CD80: variants seen among roughly 807,000 people sequenced by gnomAD.
CD80 encodes the protein CD80 molecule, also known as T-lymphocyte activation antigen CD80.
CD80 carries 13 observed loss-of-function variants against 27.1 expected under a neutral mutation model. The observed-to-expected ratio is 0.48, with a 90% CI of 0.31 to 0.76. The LOEUF (loss-of-function observed/expected upper bound fraction) is 0.76, where lower values mean the gene tolerates loss of function less well. CD80 is among the 30% of genes least tolerant of loss of function. The pLI is 0.04. For synonymous variants in CD80, 125 were observed against 125.5 expected (o/e 1.00, Z 0.03); for missense variants, 277 against 347.9 (o/e 0.80, Z 1.62).
chr3:119,553,345 G>A (rs932966165), intron 2 of CD80, among the ~76,000 whole-genome samples: 4 of 152,030 alleles, frequency 2.6e-5, no homozygotes, highest in Non-Finnish European at 5.9e-5. Flanking sequence ...TTACCATGTT[G>A]GCCAGGCTGG....
intron 2 of CD80, among the ~76,000 whole-genome samples, chr3:119,550,291 T>A (rs974779998): frequency 6.6e-6 from 1 of 152,200 alleles, no homozygotes; most frequent in Admixed American, 6.5e-5. Context: ...AATCCAATAT[T>A]TCTCACTGAT....
At chr3:119,534,858 C>T (rs1219085383) in intron 4 of CD80, among the ~76,000 whole-genome samples, 5 of 152,078 alleles carry the variant, frequency 3.3e-5, no homozygotes, top group African/African-American at 1.2e-4. Context: ...TATATTTGAA[C>T]TAATTTTCCC....
chr3:119,529,317 C>A (rs1181179410), intron 5 of CD80, among the ~76,000 whole-genome samples: 1 of 152,006 alleles, frequency 6.6e-6, no homozygotes, highest in East Asian at 1.9e-4. Flanking sequence ...TGCATCTTGC[C>A]CTCCTCCAAG....
intron 5 of CD80, among the ~76,000 whole-genome samples, chr3:119,528,541 C>G (rs1261713914): frequency 1.3e-5 from 2 of 152,104 alleles, no homozygotes; most frequent in Admixed American, 6.6e-5. Context: ...TCTTAGAAAT[C>G]TCTTCTTTCA....
At chr3:119,535,850 A>C (rs540310424) in intron 4 of CD80, among the ~76,000 whole-genome samples, 38 of 152,346 alleles carry the variant, frequency 2.5e-4, no homozygotes, top group African/African-American at 7.7e-4. Flanking sequence ...GGCAGTTCCA[A>C]AGGGCAAATT....
At chr3:119,554,881 C>G (rs1268882801) in intron 2 of CD80, among the ~76,000 whole-genome samples, 1 of 152,174 alleles carries the variant, frequency 6.6e-6, no homozygotes, top group Non-Finnish European at 1.5e-5. Context: ...CTGTAAGTTA[C>G]TGAAATAACC....
In CD80 at chr3:119,538,866, G is replaced by A. The variant is rs1392932786; in HGVS notation, c.419-1448C>T. 2.0e-5 allele frequency among the ~76,000 whole-genome samples: 3 copies of A among 152,266 alleles called. No homozygotes were observed. The East Asian group carries it at 5.8e-4, about 29-fold the overall frequency. On this transcript the variant is annotated intron_variant, in intron 3 of 6. Transcript: ENST00000264246. Reference sequence around the variant, plus strand: ...AAACCTGTGACCTGCCTTTTGAGGGGGCATTGTGTGCGTGTGAGTGGGGGG... The same window carrying A: ...AAACCTGTGACCTGCCTTTTGAGGGAGCATTGTGTGCGTGTGAGTGGGGGG...
At chr3:119,557,562 A>G in intron 2 of CD80, 67 bp downstream of exon 2, 1 of 1,089,522 alleles carries the variant, frequency 9.2e-7, no homozygotes, top group Non-Finnish European at 1.4e-6. Context: ...AGCAGCTCAG[A>G]GAACCCCATG....
chr3:119,547,628 T>C (rs2082208940), intron 2 of CD80, among the ~76,000 whole-genome samples: 1 of 152,218 alleles, frequency 6.6e-6, no homozygotes, highest in Non-Finnish European at 1.5e-5. Flanking sequence ...GATTTGTGTG[T>C]ATATTTTTTT....
At chr3:119,547,514 G>A (rs1459021012) in intron 2 of CD80, among the ~76,000 whole-genome samples, 1 of 152,146 alleles carries the variant, frequency 6.6e-6, no homozygotes, top group Non-Finnish European at 1.5e-5. Flanking sequence ...GATATCTGAG[G>A]ATACTTATAT....
rs2082100542 is a variant in CD80, at chr3:119,529,926, G to A, written c.712C>T (p.His238Tyr). 1 of 1,612,124 alleles carries A rather than the reference G, an allele frequency of 6.2e-7. No homozygotes were observed. ...GATGGGAGCAGGTTATCAGGAAAAT[G>A]CTCTTGCTTGGCTATGGAGGGAAAA... ...TFNWNTTKQE[H>Y]FPDNLLPSWA... Residue 238 changes from histidine (H) to tyrosine (Y), a missense_variant, in exon 5 of 7, where the codon CAT becomes TAT. Coordinates refer to ENST00000264246, the MANE Select transcript of CD80 (RefSeq NM_005191.4).
Position 119,544,694 on chromosome 3 carries a change from T to G in CD80, c.274A>C (p.Ile92Leu). The G allele has an allele frequency of 6.2e-7, 1 of 1,614,198 alleles. No individual in the cohort carries two copies. The highest frequency in any genetic ancestry group is 8.5e-7 in the Non-Finnish European group (1 of 1,180,034). The change falls in exon 3 of 7, where the codon ATC (isoleucine) becomes CTC (leucine). Residue 92 changes from isoleucine to leucine, a missense_variant. Transcript: ENST00000264246. The stretch of plus-strand genomic sequence containing the variant: ...GAGAGGTTATTAGTGATATCAAAGA[T>G]GGTCCGGTTCTTGTACTCGGGCCAT... ...NIWPEYKNRT[I>L]FDITNNLSIV...
At chr3:119,528,302 G>A (rs1055468782) in intron 5 of CD80, among the ~76,000 whole-genome samples, 1 of 152,156 alleles carries the variant, frequency 6.6e-6, no homozygotes, top group Non-Finnish European at 1.5e-5. Flanking sequence ...AGAATTCACT[G>A]AGCTTTGGGT....
chr3:119,554,059 T>C (rs918536722), intron 2 of CD80, among the ~76,000 whole-genome samples: 3 of 152,230 alleles, frequency 2.0e-5, no homozygotes, highest in African/African-American at 7.2e-5. Context: ...TCCTGACTTT[T>C]CCCCCTGTTT....
intron 2 of CD80, among the ~76,000 whole-genome samples, chr3:119,556,550 G>A (rs1437227292): frequency 6.6e-6 from 1 of 152,122 alleles, no homozygotes; most frequent in East Asian, 1.9e-4. Flanking sequence ...GTGAAATGTA[G>A]GCCATGTTTC....
chr3:119,527,788 T>G lies in CD80; in HGVS notation c.850A>C (p.Ser284Arg), dbSNP rs765161589. ...RRRNERLRRESVRPV is the reference protein window; with the variant it reads ...RRRNERLRRERVRPV ...GGACACTGTTATACAGGGCGTACACTTTCCCTTCTCAATCTCTCATTCCTC... is the reference window on the plus strand; with the variant it reads ...GGACACTGTTATACAGGGCGTACACGTTCCCTTCTCAATCTCTCATTCCTC... Residue 284 changes from serine (S) to arginine (R), a missense_variant, in exon 6 of 7, where the codon AGT becomes CGT. Transcript: ENST00000264246. The G allele has an allele frequency of 5.6e-6, 9 of 1,613,854 alleles. No individual in the cohort carries two copies. The highest frequency in any genetic ancestry group is 3.3e-5 in the Admixed American group (2 of 59,998).
In CD80 at chr3:119,557,860, G is replaced by A. The variant is rs1259973182; in HGVS notation, c.-132C>T. 8.1e-6 allele frequency: 4 copies of A among 494,976 alleles called. No individual in the cohort carries two copies. The highest frequency in any genetic ancestry group is 1.4e-5 in the Non-Finnish European group (4 of 276,236). 30.7% of individuals were successfully genotyped at this position (494,976 alleles called of 1,614,324 possible). A position where few individuals can be genotyped will look rare whatever the true frequency, so the allele number is the denominator to read the frequency against. On this transcript the variant is annotated 5_prime_UTR_variant, in exon 2 of 7. Transcript: ENST00000264246. ...CTCACGTAGAAGACCCTCCAGTGATGTTTACAAAACACACAGAGATTGGAG... is the reference window on the plus strand; with the variant it reads ...CTCACGTAGAAGACCCTCCAGTGATATTTACAAAACACACAGAGATTGGAG...
chr3:119,545,925 C>T lies in CD80; in HGVS notation c.101-1058G>A, dbSNP rs2082200225. Among the ~76,000 whole-genome samples, 6 of 152,120 alleles carry T rather than the reference C, an allele frequency of 3.9e-5. No individual in the cohort carries two copies. In the South Asian group the frequency reaches 1.2e-3, roughly 32 times the overall value. On this transcript the variant is annotated intron_variant, in intron 2 of 6. Transcript: ENST00000264246. The stretch of plus-strand genomic sequence containing the variant: ...GTTCTATTTTTAATTTTCTGAGGAA[C>T]CTCAATAGTGTTTTCTATAGCAGTT...
At position 119,544,475 on chromosome 3, in the gene CD80, T is replaced by G. The variant is rs1014130688; in HGVS notation, c.418+75A>C. 8.2e-6 allele frequency: 11 copies of G among 1,338,794 alleles called. No homozygotes were observed. The African/African-American group carries it at 1.3e-4, about 16-fold the overall frequency. 82.9% of individuals were successfully genotyped at this position (1,338,794 alleles called of 1,614,324 possible). The stretch of plus-strand genomic sequence containing the variant: ...ATCCCTCTTTGGTAAAATTTTCACC[T>G]AAATCAATAGCCATGTGTCTTTAAG... On this transcript the variant is annotated intron_variant, in intron 3 of 6. Transcript: ENST00000264246.
Sources: allele counts gnomAD v4.1 joint callset (sites outside exome capture counted in the v4.1 genomes callset), GRCh38; gene constraint gnomAD v4.1.1; transcripts MANE v1.5; gene names NCBI Gene and HGNC (gene_info 2026-07-23, HGNC 2026-07-21).